TENT4B: variants seen among roughly 807,000 people sequenced by gnomAD.
The protein encoded by TENT4B is terminal nucleotidyltransferase 4B.
A neutral mutation model predicts 75.0 loss-of-function variants in TENT4B; 10 were observed. The ratio of observed to expected loss-of-function variants is 0.13; its 90% CI spans 0.08 to 0.23. The LOEUF (loss-of-function observed/expected upper bound fraction) is 0.23. TENT4B is among the 10% of genes least tolerant of loss of function. The probability of loss-of-function intolerance (pLI) is 1.00; values close to 1 mark genes in which losing one functional copy is unlikely to be tolerated. For missense variants in TENT4B, 579 were observed against 893.8 expected (o/e 0.65, Z 4.49); for synonymous variants, 350 against 357.7 (o/e 0.98, Z 0.24).
At chr16:50,169,352 G>T (rs2038161845) in intron 1 of TENT4B, among the ~76,000 whole-genome samples, 1 of 104,742 alleles carries the variant, frequency 9.5e-6, no homozygotes, top group Non-Finnish European at 1.9e-5. Context: ...CTGTAAATTT[G>T]TAACTAGATC....
intron 1 of TENT4B, among the ~76,000 whole-genome samples, chr16:50,179,779 A>G (rs2038377113): frequency 6.6e-6 from 1 of 152,200 alleles, no homozygotes; most frequent in South Asian, 2.1e-4. Flanking sequence ...CTTTACCTGA[A>G]TCCAGGGTTT....
rs1457412554 is a variant in TENT4B at position 50,233,354 on chromosome 16, A to G, written c.*4026A>G. The G allele has an allele frequency of 1.0e-6, 1 of 985,276 alleles. No individual in the cohort carries two copies. The highest frequency in any genetic ancestry group is 1.2e-6 in the Non-Finnish European group (1 of 829,892). The allele number at this position is 985,276 out of a possible 1,614,324, so 61.0% of individuals were successfully genotyped here. ...GAATAAGTGTTAAAGATCAAATTTT[A>G]ATATGCTTCTCGATATTTAACATAG... On this transcript the variant is annotated 3_prime_UTR_variant, in exon 12 of 12. Transcript: ENST00000561678.
chr16:50,166,822 G>A (rs1366863126), intron 1 of TENT4B, among the ~76,000 whole-genome samples: 2 of 142,160 alleles, frequency 1.4e-5, no homozygotes, highest in South Asian at 2.2e-4. Flanking sequence ...TATAGACAGA[G>A]TCTCACCTTA....
chr16:50,195,667 G>C (rs1365650573), intron 1 of TENT4B, among the ~76,000 whole-genome samples: 2 of 152,188 alleles, frequency 1.3e-5, no homozygotes, highest in East Asian at 3.8e-4. Context: ...AGGAAAGTGT[G>C]CAGTACTTAT....
At position 50,231,756 on chromosome 16, in the gene TENT4B, A is replaced by G. The variant is rs2032302325; in HGVS notation, c.*2428A>G. 1.0e-6 allele frequency: 1 copy of G among 985,868 alleles called. No individual in the cohort carries two copies. The highest frequency in any genetic ancestry group is 1.2e-6 in the Non-Finnish European group (1 of 829,910). 61.1% of individuals were successfully genotyped at this position (985,868 alleles called of 1,614,324 possible). A position where few individuals can be genotyped will look rare whatever the true frequency, so the allele number is the denominator to read the frequency against. ...AATGACCAGCATTGTATTCGTGAATACTGTGTATCTTGCAGTGAACAGTGT... is the reference window on the plus strand; with the variant it reads ...AATGACCAGCATTGTATTCGTGAATGCTGTGTATCTTGCAGTGAACAGTGT... On this transcript the variant is annotated 3_prime_UTR_variant, in exon 12 of 12. Coordinates refer to ENST00000561678, the MANE Select transcript of TENT4B (RefSeq NM_001365324.3).
intron 3 of TENT4B, among the ~76,000 whole-genome samples, chr16:50,214,872 T>A (rs1471833737): frequency 6.6e-6 from 1 of 152,188 alleles, no homozygotes. Flanking sequence ...CTGACACAGA[T>A]GTTAATGTAG....
At chr16:50,175,502 T>G (rs1251576689) in intron 1 of TENT4B, among the ~76,000 whole-genome samples, 2 of 152,198 alleles carry the variant, frequency 1.3e-5, no homozygotes, top group African/African-American at 2.4e-5. Flanking sequence ...CTCTCTTTTT[T>G]TGAGATGGAG....
intron 5 of TENT4B, among the ~76,000 whole-genome samples, chr16:50,218,422 C>T (rs576581219): frequency 8.5e-5 from 13 of 152,112 alleles, no homozygotes; most frequent in South Asian, 2.1e-4. Context: ...CTGCCACCTC[C>T]GCCTCCCGGG....
rs543484017 is a variant in TENT4B, at chr16:50,167,696, C to T, written c.638+13437C>T. 1.3e-4 allele frequency among the ~76,000 whole-genome samples: 20 copies of T among 151,994 alleles called. No individual in the cohort carries two copies. In the East Asian group the frequency reaches 3.1e-3, roughly 23 times the overall value. ...TGTTGTTGAGACAGTCTTGCTCTGT[C>T]GCCCAGGCTGGAGTGCAGTGGTGTG... On this transcript the variant is annotated intron_variant, in intron 1 of 11. Coordinates refer to ENST00000561678, the MANE Select transcript of TENT4B (RefSeq NM_001365324.3).
chr16:50,166,824 C>G (rs2038111175), intron 1 of TENT4B, among the ~76,000 whole-genome samples: 1 of 138,270 alleles, frequency 7.2e-6, no homozygotes, highest in African/African-American at 2.7e-5. Flanking sequence ...TAGACAGAGT[C>G]TCACCTTATT....
chr16:50,167,073 C>T (rs959171635), intron 1 of TENT4B, among the ~76,000 whole-genome samples: 8 of 152,138 alleles, frequency 5.3e-5, no homozygotes, highest in Non-Finnish European at 7.4e-5. Context: ...GCAGGCATGT[C>T]GCTAGCATGC....
At chr16:50,199,915 G>A (rs148956260) in intron 1 of TENT4B, among the ~76,000 whole-genome samples, 1 of 152,234 alleles carries the variant, frequency 6.6e-6, no homozygotes, top group African/African-American at 2.4e-5. Flanking sequence ...TGGGATTACA[G>A]CTATACACCA....
At chr16:50,199,539 C>T (rs1243329337) in intron 1 of TENT4B, among the ~76,000 whole-genome samples, 2 of 152,218 alleles carry the variant, frequency 1.3e-5, no homozygotes, top group Non-Finnish European at 2.9e-5. Context: ...TATCCCTCCC[C>T]TTAGCCCCTG....
At chr16:50,157,209 C>T (rs1003871044) in intron 1 of TENT4B, among the ~76,000 whole-genome samples, 1 of 152,188 alleles carries the variant, frequency 6.6e-6, no homozygotes, top group East Asian at 1.9e-4. Context: ...TGAAAATGGA[C>T]TAGAACCATG....
At position 50,225,244 on chromosome 16, in the gene TENT4B, G is replaced by A; in HGVS notation, c.1759G>A (p.Val587Met). 1 of 1,611,848 alleles carries A rather than the reference G, an allele frequency of 6.2e-7. No individual in the cohort carries two copies. The highest frequency in any genetic ancestry group is 8.5e-7 in the Non-Finnish European group (1 of 1,177,920). Residue 587 changes from valine to methionine, a missense_variant, in exon 10 of 12, where the codon GTG becomes ATG. Val to Met is a conservative substitution (Grantham distance 21, BLOSUM62 1). This residue lies in a region of TENT4B where 164 missense variants were observed against 226.5 expected (regional missense o/e 0.72). Coordinates refer to ENST00000561678, the MANE Select transcript of TENT4B (RefSeq NM_001365324.3). ...CTCTTCAAACTCTTCATCAGGTCCA[G>A]TGTCGTCCTCTTCTGCCACACAGTC... ...KHSSNSSSGP[V>M]SSSSATQSSS...
Position 50,234,918 on chromosome 16 carries a change from T to G in TENT4B, c.*5590T>G. On this transcript the variant is annotated 3_prime_UTR_variant, in exon 12 of 12. Coordinates refer to ENST00000561678, the MANE Select transcript of TENT4B (RefSeq NM_001365324.3). ...GTAACCTTTTTATGTATTTCCTTCT[T>G]TGATTAGCATTGTCTTCAGTGTTAA... The G allele has an allele frequency of 1.0e-6, 1 of 985,804 alleles. No individual in the cohort carries two copies. Among genetic ancestry groups the G allele is most frequent in the African/African-American group, 1.7e-5 (1 of 57,360 alleles). 61.1% of individuals were successfully genotyped at this position (985,804 alleles called of 1,614,324 possible).
chr16:50,230,135 G>A lies in TENT4B; in HGVS notation c.*807G>A, dbSNP rs542187148. ...TTTTATTTTGTAAAAAAAAAAAAAT[G>A]TACTATGTACTTTTGTGTAAACACT... On this transcript the variant is annotated 3_prime_UTR_variant, in exon 12 of 12. Transcript: ENST00000561678. 4 of 963,638 alleles carry A rather than the reference G, an allele frequency of 4.2e-6. No homozygotes were observed. The highest frequency in any genetic ancestry group is 1.1e-4 in the East Asian group (1 of 8,708). The allele number at this position is 963,638 out of a possible 1,614,324, so 59.7% of individuals were successfully genotyped here.
intron 6 of TENT4B, among the ~76,000 whole-genome samples, chr16:50,222,844 T>G (rs1005887341): frequency 1.3e-5 from 2 of 152,196 alleles, no homozygotes; most frequent in African/African-American, 4.8e-5. Context: ...TAAGTGGGTA[T>G]GTTTATGTGG....
At chr16:50,155,898 T>C (rs978903319) in intron 1 of TENT4B, among the ~76,000 whole-genome samples, 13 of 152,218 alleles carry the variant, frequency 8.5e-5, no homozygotes, top group African/African-American at 3.1e-4. Flanking sequence ...TGCATTTTAC[T>C]GAAGCCTCTT....
Sources: allele counts gnomAD v4.1 joint callset (sites outside exome capture counted in the v4.1 genomes callset), GRCh38; gene constraint gnomAD v4.1.1; regional missense constraint gnomAD v4.1.1; transcripts MANE v1.5; gene names NCBI Gene and HGNC (gene_info 2026-07-23, HGNC 2026-07-21).